CCDC15: variants seen among roughly 807,000 people sequenced by gnomAD.
CCDC15 encodes coiled-coil domain containing 15, also known as coiled-coil domain-containing protein 15.
CCDC15 carries 105 observed loss-of-function variants against 114.5 expected under a neutral mutation model. That is an observed-to-expected ratio of 0.92 (90% CI 0.78 to 1.08). The LOEUF (loss-of-function observed/expected upper bound fraction) is 1.08. Ranked by LOEUF, CCDC15 falls within the 50% of genes least tolerant of loss-of-function variation. The pLI, the probability that CCDC15 is intolerant of heterozygous loss-of-function variation, is 0.00. For missense variants in CCDC15, 1,105 were observed against 1,093.6 expected (o/e 1.01, Z -0.15); for synonymous variants, 334 against 377.8 (o/e 0.88, Z 1.34).
chr11:125,026,615 A>G (rs143616760), intron 13 of CCDC15, among the ~76,000 whole-genome samples: 1,652 of 152,280 alleles, frequency 0.011, 13 homozygotes, highest in Middle Eastern at 0.021. Flanking sequence ...GGAGGCTTCT[A>G]TTTGGCTATC....
intron 4 of CCDC15, among the ~76,000 whole-genome samples, chr11:124,972,651 C>G (rs1266830442): frequency 6.6e-6 from 1 of 152,104 alleles, no homozygotes; most frequent in Non-Finnish European, 1.5e-5. Flanking sequence ...GGCCAGAAGT[C>G]CAGAATCCAC....
Position 124,987,585 on chromosome 11 carries a change from C to G in CCDC15, c.1359C>G (p.Asp453Glu), listed in dbSNP as rs767872660. 40 of 1,613,916 alleles carry G rather than the reference C, an allele frequency of 2.5e-5. 1 individual carries two copies. The South Asian group carries it at 4.4e-4, about 18-fold the overall frequency. Reference sequence around the variant, plus strand: ...AGGACCAGGACTTCCTACCCAGAGACCAGCATGTTCTCCACAAAGACCAAG... The same window carrying G: ...AGGACCAGGACTTCCTACCCAGAGAGCAGCATGTTCTCCACAAAGACCAAG... ...KYQDQDFLPR[D>E]QHVLHKDQDI... Residue 453 changes from aspartate to glutamate, a missense_variant, in exon 8 of 16, where the codon GAC (aspartate) becomes GAG (glutamate). Coordinates refer to ENST00000344762, the MANE Select transcript of CCDC15 (RefSeq NM_025004.3).
chr11:125,035,039 T>C (rs1319710331), intron 13 of CCDC15, among the ~76,000 whole-genome samples: 1 of 152,196 alleles, frequency 6.6e-6, no homozygotes, highest in Non-Finnish European at 1.5e-5. Flanking sequence ...GTCCCAAAGC[T>C]GAAGAACTTG....
chr11:124,984,025 G>T (rs1031018790), intron 6 of CCDC15, among the ~76,000 whole-genome samples: 4 of 152,116 alleles, frequency 2.6e-5, no homozygotes, highest in African/African-American at 9.7e-5. Context: ...AGGGCAGGGG[G>T]TAGGGCTGCT....
intron 4 of CCDC15, among the ~76,000 whole-genome samples, chr11:124,961,728 G>A (rs554857417): frequency 5.9e-5 from 9 of 152,096 alleles, no homozygotes; most frequent in Non-Finnish European, 8.8e-5. Context: ...GTTTCACCAT[G>A]TTGGCCAGGC....
chr11:124,986,909 A>C (rs1423963139), intron 7 of CCDC15, 21 bp downstream of exon 7: 20 of 1,522,680 alleles, frequency 1.3e-5, no homozygotes, highest in Non-Finnish European at 1.6e-5. Flanking sequence ...AAGAGAAATT[A>C]AATTAATTGT....
intron 4 of CCDC15, among the ~76,000 whole-genome samples, chr11:124,973,118 G>T (rs1190608855): frequency 2.0e-5 from 3 of 152,140 alleles, no homozygotes; most frequent in African/African-American, 7.2e-5. Flanking sequence ...TAACTACAGA[G>T]AAACAGAAGA....
chr11:124,962,722 A>G (rs562061834), intron 4 of CCDC15, among the ~76,000 whole-genome samples: 6 of 151,734 alleles, frequency 4.0e-5, no homozygotes, highest in Admixed American at 3.3e-4. Context: ...ATATGTATAC[A>G]TGTGCCATGT....
chr11:124,955,245 C>T (rs1194150411), intron 2 of CCDC15, among the ~76,000 whole-genome samples: 1 of 152,172 alleles, frequency 6.6e-6, no homozygotes, highest in Non-Finnish European at 1.5e-5. Flanking sequence ...TCTACATCTT[C>T]CAGACACTGC....
At chr11:124,977,082 C>T (rs111763271) in intron 5 of CCDC15, among the ~76,000 whole-genome samples, 2 of 151,928 alleles carry the variant, frequency 1.3e-5, no homozygotes, top group African/African-American at 4.8e-5. Context: ...TGAGTTGAAC[C>T]CTGGTTTTAT....
At chr11:124,990,466 C>T (rs996328710) in intron 8 of CCDC15, among the ~76,000 whole-genome samples, 5 of 152,124 alleles carry the variant, frequency 3.3e-5, no homozygotes, top group East Asian at 1.9e-4. Context: ...ATTGGCTTGA[C>T]GTATGATTGC....
At chr11:125,019,239 T>C (rs1480875186) in intron 13 of CCDC15, among the ~76,000 whole-genome samples, 1 of 152,010 alleles carries the variant, frequency 6.6e-6, no homozygotes, top group Non-Finnish European at 1.5e-5. Context: ...CCTAACTGTG[T>C]GTCAAGCACT....
In CCDC15 at chr11:124,986,930, A is replaced by G. The variant is rs553311396; in HGVS notation, c.900+42A>G. On this transcript the variant is annotated intron_variant, in intron 7 of 15. Transcript: ENST00000344762. ...AATTAAATTAATTGTGATTTGGACTAGGTATTGCCAGTAATGTTGTACTGA... is the reference window on the plus strand; with the variant it reads ...AATTAAATTAATTGTGATTTGGACTGGGTATTGCCAGTAATGTTGTACTGA... 8.1e-5 allele frequency: 121 copies of G among 1,494,866 alleles called. No homozygotes were observed. In the Middle Eastern group the frequency reaches 1.1e-3, roughly 13 times the overall value. 92.6% of individuals were successfully genotyped at this position (1,494,866 alleles called of 1,614,324 possible).
In CCDC15 at chr11:125,033,351, G is replaced by A. The variant is rs1050750503; in HGVS notation, c.2412-5080G>A. Among the ~76,000 whole-genome samples, 13 of 152,132 alleles carry A rather than the reference G, an allele frequency of 8.5e-5. No individual in the cohort carries two copies. The East Asian group carries it at 9.6e-4, about 11-fold the overall frequency. ...GCCTCTGCTGTCCATTATGGTAGCC[G>A]TGCCCATCTTGCCTTTGATGGTTGA... On this transcript the variant is annotated intron_variant, in intron 13 of 15. Coordinates refer to ENST00000344762, the MANE Select transcript of CCDC15 (RefSeq NM_025004.3).
At chr11:124,970,020 CT>C (rs60025045) in intron 4 of CCDC15, among the ~76,000 whole-genome samples, 30,932 of 152,116 alleles carry the variant, frequency 0.2, 3,751 homozygotes, top group African/African-American at 0.34. Flanking sequence ...GGACATGGGA[CT>C]TTTCAGTGCT....
In CCDC15 at chr11:125,027,401, TA is replaced by T. The variant is rs1187340008; in HGVS notation, c.2412-11029del. Among the ~76,000 whole-genome samples, 3 of 152,150 alleles carry T rather than the reference TA, an allele frequency of 2.0e-5. 1 individual carries two copies. Among genetic ancestry groups the T allele is most frequent in the South Asian group, 4.1e-4 (2 of 4,832 alleles). ...TCTCCACAACCATGCCAACATCTAT[TA>T]TTTTTTTTATTTTTAAATTATGGCC... On this transcript the variant is annotated intron_variant, in intron 13 of 15. Transcript: ENST00000344762.
chr11:124,970,995 G>A (rs149985841), intron 4 of CCDC15, among the ~76,000 whole-genome samples: 2 of 152,186 alleles, frequency 1.3e-5, no homozygotes, highest in East Asian at 1.9e-4. Context: ...TTGCATCAAG[G>A]CCTATTTTTA....
chr11:124,983,485 G>A (rs1948107356), intron 6 of CCDC15, among the ~76,000 whole-genome samples: 1 of 151,858 alleles, frequency 6.6e-6, no homozygotes, highest in Non-Finnish European at 1.5e-5. Context: ...GTCCTTGGGG[G>A]TTTGATTCTG....
In CCDC15 at chr11:125,039,049, TTTTCTATA is replaced by T. The variant is rs1948797325; in HGVS notation, c.2715_2722del (p.Phe906LysfsTer17). 1 of 1,600,088 alleles carries T rather than the reference TTTTCTATA, an allele frequency of 6.2e-7. No homozygotes were observed. The highest frequency in any genetic ancestry group is 1.1e-5 in the South Asian group (1 of 89,010). ...CCTGATACCTGTGCCAACAACTGTA[TTTTCTATA>T]AAAACCACAGAGGTAAGTTTCTTGA... On this transcript the variant is annotated frameshift_variant, in exon 15 of 16. Coordinates refer to ENST00000344762, the MANE Select transcript of CCDC15 (RefSeq NM_025004.3). LOFTEE classifies it high-confidence loss of function.
Sources: allele counts gnomAD v4.1 joint callset (sites outside exome capture counted in the v4.1 genomes callset), GRCh38; gene constraint gnomAD v4.1.1; transcripts MANE v1.5; gene names NCBI Gene and HGNC (gene_info 2026-07-23, HGNC 2026-07-21).